The following PCDHGC5 variants were observed in gnomAD, a reference collection of about 807,000 sequenced individuals.
The protein encoded by PCDHGC5 is protocadherin gamma-C5.
A neutral mutation model predicts 59.0 loss-of-function variants in PCDHGC5; 25 were observed. The observed-to-expected ratio is 0.42, with a 90% CI of 0.31 to 0.59. The LOEUF is 0.59. PCDHGC5 is among the 20% of genes least tolerant of loss of function. PCDHGC5 has a pLI of 0.13. For missense variants in PCDHGC5, 1,067 were observed against 1,206.4 expected (o/e 0.88, Z 1.71); for synonymous variants, 434 against 505.5 (o/e 0.86, Z 1.90).
chr5:141,491,855 G>A lies in PCDHGC5; in HGVS notation c.2460+155G>A. ...TTCTCGGGATCATTGGACCGTTTGC[G>A]CGAAACCAGAGTGGCCGATTAAGGG... On this transcript the variant is annotated intron_variant, in intron 1 of 3. Coordinates refer to ENST00000252087, the MANE Select transcript of PCDHGC5 (RefSeq NM_018929.3). The surrounding 1 kb of genome is among the most constrained non-coding windows in gnomAD (Gnocchi z 6.9). The A allele has an allele frequency of 2.7e-6, 4 of 1,459,380 alleles. No individual in the cohort carries two copies. The highest frequency in any genetic ancestry group is 3.6e-6 in the Non-Finnish European group (4 of 1,103,492). The allele number at this position is 1,459,380 out of a possible 1,614,324, so 90.4% of individuals were successfully genotyped here. A position where few individuals can be genotyped will look rare whatever the true frequency, so the allele number is the denominator to read the frequency against.
chr5:141,502,661 T>G (rs1440361647), intron 2 of PCDHGC5, among the ~76,000 whole-genome samples: 1 of 152,240 alleles, frequency 6.6e-6, no homozygotes. Flanking sequence ...CAACCCTTCA[T>G]GCAATTTTAG....
At position 141,512,348 on chromosome 5, in the gene PCDHGC5, G is replaced by C. The variant is rs1172891268; in HGVS notation, c.*1175G>C. 4 of 152,886 alleles carry C rather than the reference G, an allele frequency of 2.6e-5. No homozygotes were observed. The highest frequency in any genetic ancestry group is 9.6e-5 in the African/African-American group (4 of 41,462). The allele number at this position is 152,886 out of a possible 1,614,324, so 9.5% of individuals were successfully genotyped here. A position where few individuals can be genotyped will look rare whatever the true frequency, so the allele number is the denominator to read the frequency against. ...GGCCATTCTTAGTCCCTGGGTTGGG[G>C]AGGCAGGGAGCTAGGGCAGGGACCA... On this transcript the variant is annotated 3_prime_UTR_variant, in exon 4 of 4. Transcript: ENST00000252087.
intron 3 of PCDHGC5, among the ~76,000 whole-genome samples, chr5:141,509,880 T>C (rs1475661741): frequency 6.6e-6 from 1 of 152,184 alleles, no homozygotes; most frequent in African/African-American, 2.4e-5. Flanking sequence ...CTGGTGGTGA[T>C]GGTGACTGAC....
chr5:141,499,401 C>A lies in PCDHGC5; in HGVS notation c.2519+4536C>A, dbSNP rs115575614. ...TTCCACTTATAAAATAGTACATGCTCATTATAGAAACATGAAAAATAGAAA... is the reference window on the plus strand; with the variant it reads ...TTCCACTTATAAAATAGTACATGCTAATTATAGAAACATGAAAAATAGAAA... On this transcript the variant is annotated intron_variant, in intron 2 of 3. Coordinates refer to ENST00000252087, the MANE Select transcript of PCDHGC5 (RefSeq NM_018929.3). Among the ~76,000 whole-genome samples, 871 of 152,186 alleles carry A rather than the reference C, an allele frequency of 5.7e-3. 5 individuals are homozygous for A. Among genetic ancestry groups the A allele is most frequent in the African/African-American group, 0.02 (847 of 41,502 alleles).
intron 2 of PCDHGC5, 54 bp downstream of exon 2, chr5:141,494,919 T>A: frequency 6.2e-7 from 1 of 1,613,926 alleles, no homozygotes; most frequent in South Asian, 1.1e-5. Flanking sequence ...TTCTCAGGGA[T>A]GACGTGGGAG....
intron 2 of PCDHGC5, among the ~76,000 whole-genome samples, chr5:141,499,445 C>A (rs904360147): frequency 1.3e-5 from 2 of 152,062 alleles, no homozygotes; most frequent in African/African-American, 4.8e-5. Flanking sequence ...AAAGGAAAAC[C>A]ACCCATCATT....
chr5:141,512,395 C>T lies in PCDHGC5; in HGVS notation c.*1222C>T, dbSNP rs1229077213. ...ACCAAATGAACAGAAAGTCTCAGCCCAGGATGGGGCTTCTTCAACAGGGCC... is the reference window on the plus strand; with the variant it reads ...ACCAAATGAACAGAAAGTCTCAGCCTAGGATGGGGCTTCTTCAACAGGGCC... On this transcript the variant is annotated 3_prime_UTR_variant, in exon 4 of 4. Coordinates refer to ENST00000252087, the MANE Select transcript of PCDHGC5 (RefSeq NM_018929.3). 1 of 152,690 alleles carries T rather than the reference C, an allele frequency of 6.5e-6. No individual in the cohort carries two copies. Among genetic ancestry groups the T allele is most frequent in the Non-Finnish European group, 1.5e-5 (1 of 68,072 alleles). The allele number at this position is 152,690 out of a possible 1,614,324, so 9.5% of individuals were successfully genotyped here.
chr5:141,497,740 C>T (rs954595046), intron 2 of PCDHGC5, among the ~76,000 whole-genome samples: 1 of 152,054 alleles, frequency 6.6e-6, no homozygotes, highest in South Asian at 2.1e-4. Context: ...GGTTTCGCCA[C>T]GTTGGCCAGG....
intron 3 of PCDHGC5, among the ~76,000 whole-genome samples, chr5:141,510,369 C>G (rs1403924479): frequency 7.1e-6 from 1 of 140,308 alleles, no homozygotes; most frequent in Non-Finnish European, 1.6e-5. Context: ...TACCGAATCT[C>G]TACTCGTGCC....
rs367744321 is a variant in PCDHGC5, at chr5:141,489,394, C to G, written c.154C>G (p.Leu52Val). The G allele has an allele frequency of 3.7e-6, 6 of 1,614,008 alleles. No individual in the cohort carries two copies. In the African/African-American group the frequency reaches 6.7e-5, roughly 18 times the overall value. The change falls in exon 1 of 4, where the codon CTG becomes GTG. Residue 52 changes from leucine to valine, a missense_variant. Physicochemically the swap from Leu to Val is conservative, Grantham distance 32. Transcript: ENST00000252087. The surrounding 1 kb of genome is among the most constrained non-coding windows in gnomAD (Gnocchi z 4.5). ...GTLVGNVAQD[L>V]GLKMTDLLSR... is the part of the protein sequence containing the mutation. ...GCTGGTGGGGAATGTTGCTCAGGATCTGGGCTTAAAGATGACAGATCTGTT... is the reference window on the plus strand; with the variant it reads ...GCTGGTGGGGAATGTTGCTCAGGATGTGGGCTTAAAGATGACAGATCTGTT...
chr5:141,511,241 C>A lies in PCDHGC5; in HGVS notation c.*68C>A. On this transcript the variant is annotated 3_prime_UTR_variant, in exon 4 of 4. Coordinates refer to ENST00000252087, the MANE Select transcript of PCDHGC5 (RefSeq NM_018929.3). ...CCAGCCCAGCTTCTCCTTACCTGCA[C>A]CCAGGCCTCAGAGTTTCAGGGCTAA... 1 of 1,585,212 alleles carries A rather than the reference C, an allele frequency of 6.3e-7. No individual in the cohort carries two copies. The highest frequency in any genetic ancestry group is 8.6e-7 in the Non-Finnish European group (1 of 1,165,762).
intron 2 of PCDHGC5, among the ~76,000 whole-genome samples, chr5:141,500,254 G>A (rs1260325865): frequency 1.3e-5 from 2 of 150,426 alleles, no homozygotes; most frequent in Non-Finnish European, 3.0e-5. Context: ...TGTCACCCAG[G>A]CTGGACTGCA....
At chr5:141,501,329 ACACACC>A (rs1456568693) in intron 2 of PCDHGC5, among the ~76,000 whole-genome samples, 16 of 148,226 alleles carry the variant, frequency 1.1e-4, no homozygotes, top group Non-Finnish European at 2.2e-4. Context: ...ACACACACAC[ACACACC>A]CCAAACTCAA....
In PCDHGC5 at chr5:141,489,594, TGTAGAG is replaced by T. The variant is rs1298302866; in HGVS notation, c.361_366del (p.Val121_Glu122del). 1 of 1,613,958 alleles carries T rather than the reference TGTAGAG, an allele frequency of 6.2e-7. No homozygotes were observed. The highest frequency in any genetic ancestry group is 1.3e-5 in the African/African-American group (1 of 74,906). ...CTGAACACCCCCTGGAGCTAATCCG[TGTAGAG>T]GTAGAGATCCTGGATCTCAATGACA... On this transcript the variant is annotated inframe_deletion, in exon 1 of 4. Coordinates refer to ENST00000252087, the MANE Select transcript of PCDHGC5 (RefSeq NM_018929.3). The surrounding 1 kb of genome is among the most constrained non-coding windows in gnomAD (Gnocchi z 4.5).
rs2099692814 is a variant in PCDHGC5 at position 141,489,840 on chromosome 5, G to A, written c.600G>A (p.Leu200=). 6.2e-7 allele frequency: 1 copy of A among 1,614,190 alleles called. No individual in the cohort carries two copies. The highest frequency in any genetic ancestry group is 8.5e-7 in the Non-Finnish European group (1 of 1,179,990). The change falls in exon 1 of 4, where the codon CTG becomes CTA. Residue 200 remains leucine, a synonymous_variant. Coordinates refer to ENST00000252087, the MANE Select transcript of PCDHGC5 (RefSeq NM_018929.3). The surrounding 1 kb of genome is among the most constrained non-coding windows in gnomAD (Gnocchi z 4.5). ...PFPELVLEQQ[L]DREAQARHQL... ...CAGAGCTGGTGCTAGAGCAGCAGCT[G>A]GATCGTGAAGCCCAGGCAAGACATC... is the stretch of plus-strand genomic sequence containing the variant.
chr5:141,494,677 TGCCCCCTCTTA>T, intron 1 of PCDHGC5, 119 bp from the exon 2 acceptor site: 5 of 1,552,906 alleles, frequency 3.2e-6, no homozygotes, highest in Non-Finnish European at 4.4e-6. Flanking sequence ...AGTCCACCCC[TGCCCCCTCTTA>T]GTCCGTTTTC....
intron 2 of PCDHGC5, among the ~76,000 whole-genome samples, chr5:141,502,428 A>C (rs2099814217): frequency 6.6e-6 from 1 of 151,978 alleles, no homozygotes; most frequent in South Asian, 2.1e-4. Flanking sequence ...CTATTCTCTG[A>C]TGGTTAGATT....
chr5:141,504,949 G>A (rs1234166109), intron 2 of PCDHGC5, among the ~76,000 whole-genome samples: 5 of 152,098 alleles, frequency 3.3e-5, no homozygotes, highest in Non-Finnish European at 1.5e-5. Context: ...AATGCACTAT[G>A]TTCAATGCAT....
At chr5:141,501,423 A>G (rs1195105794) in intron 2 of PCDHGC5, among the ~76,000 whole-genome samples, 4 of 151,966 alleles carry the variant, frequency 2.6e-5, no homozygotes, top group African/African-American at 7.2e-5. Flanking sequence ...AGTTGACTAA[A>G]TGTAGTCCAT....
Sources: gnomAD v4.1 joint callset for allele counts (sites outside exome capture counted in the v4.1 genomes callset) on GRCh38, gnomAD v4.1.1 for gene constraint, Gnocchi (gnomAD v3.1) non-coding constraint, MANE v1.5 for transcripts, NCBI Gene and HGNC (gene_info 2026-07-23, HGNC 2026-07-21) for gene names.